IL1RAPL1: variants seen among roughly 807,000 people sequenced by gnomAD.
The protein encoded by IL1RAPL1 is interleukin-1 receptor accessory protein-like 1.
A neutral mutation model predicts 48.4 loss-of-function variants in IL1RAPL1; 3 were observed. The ratio of observed to expected loss-of-function variants is 0.06; its 90% CI spans 0.03 to 0.16. The LOEUF (loss-of-function observed/expected upper bound fraction) is 0.16. IL1RAPL1 is among the 10% of genes least tolerant of loss of function. IL1RAPL1 has a pLI of 1.00. For missense variants in IL1RAPL1, 349 were observed against 530.6 expected, an observed-to-expected ratio of 0.66 and a Z score of 3.36; for synonymous variants, 185 against 187.7, an observed-to-expected ratio of 0.99 and a Z score of 0.12.
At chrX:29,618,720 A>G (rs140904631) in intron 5 of IL1RAPL1, among the ~76,000 whole-genome samples, 46 of 111,579 alleles carry the variant, frequency 4.1e-4, no homozygotes, top group African/African-American at 1.5e-3. Context: ...AGAATCCTTA[A>G]CCTAGTCATG....
intron 5 of IL1RAPL1, among the ~76,000 whole-genome samples, chrX:29,490,002 G>C (rs1315728478): frequency 9.0e-6 from 1 of 110,867 alleles, no homozygotes; most frequent in African/African-American, 3.3e-5. Flanking sequence ...TTTCTACATA[G>C]GACTTATTAA....
chrX:28,598,200 C>G (rs1418879490), intron 1 of IL1RAPL1, among the ~76,000 whole-genome samples: 2 of 112,246 alleles, frequency 1.8e-5, no homozygotes. Flanking sequence ...TTATTTCTAA[C>G]AAGTGTGAAC....
intron 1 of IL1RAPL1, among the ~76,000 whole-genome samples, chrX:28,673,875 G>C (rs766283614): frequency 1.8e-5 from 2 of 111,876 alleles, no homozygotes; most frequent in East Asian, 5.6e-4. Context: ...TTCACCAGCA[G>C]TTTGGGATTG....
intron 1 of IL1RAPL1, among the ~76,000 whole-genome samples, chrX:28,625,507 G>A (rs1186792934): frequency 9.0e-6 from 1 of 111,710 alleles, no homozygotes; most frequent in African/African-American, 3.3e-5. Flanking sequence ...ACATGGGAAG[G>A]GCAGCTCTTC....
chrX:29,099,362 T>A (rs1383324655), intron 2 of IL1RAPL1, among the ~76,000 whole-genome samples: 1 of 112,051 alleles, frequency 8.9e-6, no homozygotes, highest in Non-Finnish European at 1.9e-5. Context: ...GATAAATCAA[T>A]TATGTTTGAT....
intron 6 of IL1RAPL1, among the ~76,000 whole-genome samples, chrX:29,850,939 T>C (rs909763766): frequency 5.3e-5 from 6 of 112,204 alleles, no homozygotes; most frequent in African/African-American, 9.7e-5. Flanking sequence ...CTATTCTTTA[T>C]GTAAATAATA....
In IL1RAPL1 at chrX:29,015,324, A is replaced by G. The variant is rs1195016316; in HGVS notation, c.82+225899A>G. On this transcript the variant is annotated intron_variant, in intron 2 of 10. Transcript: ENST00000378993. ...ATAATCTTCCTACATTTCAAAGGTC[A>G]GCTTTACATTAAAACTTTCGCTCTG... Among the ~76,000 whole-genome samples the G allele has an allele frequency of 2.7e-5, 3 of 111,573 alleles. No homozygotes were observed. In the Admixed American group the frequency reaches 2.9e-4, roughly 11 times the overall value.
intron 5 of IL1RAPL1, among the ~76,000 whole-genome samples, chrX:29,407,688 G>T (rs765833764): frequency 8.9e-6 from 1 of 111,898 alleles, no homozygotes; most frequent in African/African-American, 3.2e-5. Flanking sequence ...TTAAAAGTAT[G>T]TATATTTTCA....
chrX:29,070,925 AC>A (rs1239443691), intron 2 of IL1RAPL1, among the ~76,000 whole-genome samples: 1 of 111,388 alleles, frequency 9.0e-6, no homozygotes, highest in Non-Finnish European at 1.9e-5. Context: ...TGCACAAAAA[AC>A]AGGGTCCTAG....
At chrX:28,781,401 A>G (rs1227543378) in intron 1 of IL1RAPL1, among the ~76,000 whole-genome samples, 1 of 109,076 alleles carries the variant, frequency 9.2e-6, no homozygotes, top group Non-Finnish European at 1.9e-5. Context: ...TCTCCATGAC[A>G]TGGCACTTTC....
chrX:29,582,988 G>T (rs1923027652), intron 5 of IL1RAPL1, among the ~76,000 whole-genome samples: 1 of 84,433 alleles, frequency 1.2e-5, no homozygotes, highest in Non-Finnish European at 2.3e-5. Context: ...CACAATGGTT[G>T]AACTAGTTTA....
chrX:29,124,785 T>G (rs1449291151), intron 2 of IL1RAPL1, among the ~76,000 whole-genome samples: 1 of 111,755 alleles, frequency 8.9e-6, no homozygotes, highest in Admixed American at 9.5e-5. Context: ...AAACAGAACT[T>G]ACAGTGACAT....
chrX:29,591,282 G>A (rs1923361662), intron 5 of IL1RAPL1, among the ~76,000 whole-genome samples: 1 of 112,386 alleles, frequency 8.9e-6, no homozygotes, highest in South Asian at 3.7e-4. Context: ...AACTTGTGGG[G>A]TAGGCATTGT....
At chrX:29,955,056 A>T (rs765514698) in intron 10 of IL1RAPL1, 46 bp from the exon 11 acceptor site, 10 of 1,090,961 alleles carry the variant, frequency 9.2e-6, no homozygotes, top group Middle Eastern at 2.4e-4. Context: ...TTTCTGGACC[A>T]AATTTTCCAT....
intron 5 of IL1RAPL1, among the ~76,000 whole-genome samples, chrX:29,519,699 C>A (rs1417558785): frequency 9.0e-6 from 1 of 111,335 alleles, no homozygotes; most frequent in Non-Finnish European, 1.9e-5. Context: ...GGTAAGAAAA[C>A]CATGTCTTCA....
chrX:29,250,274 C>T (rs1231349229), intron 2 of IL1RAPL1, among the ~76,000 whole-genome samples: 1 of 112,014 alleles, frequency 8.9e-6, no homozygotes, highest in Non-Finnish European at 1.9e-5. Flanking sequence ...ATAGAAACAA[C>T]AACAACAAAA....
intron 2 of IL1RAPL1, among the ~76,000 whole-genome samples, chrX:29,131,594 G>C (rs970517777): frequency 3.6e-5 from 4 of 110,833 alleles, no homozygotes; most frequent in African/African-American, 9.8e-5. Flanking sequence ...CCTTGAATAG[G>C]GTTTACATGG....
chrX:29,628,675 C>T (rs904505807), intron 5 of IL1RAPL1, among the ~76,000 whole-genome samples: 2 of 112,086 alleles, frequency 1.8e-5, no homozygotes, highest in Non-Finnish European at 3.8e-5. Context: ...TCCATCATGA[C>T]ACTTCACTTC....
At chrX:29,803,451 G>T (rs899387240) in intron 6 of IL1RAPL1, among the ~76,000 whole-genome samples, 2 of 92,974 alleles carry the variant, frequency 2.2e-5, no homozygotes, top group Non-Finnish European at 4.3e-5. Flanking sequence ...ATGTATATAT[G>T]TGTGTATATA....
Sources: allele counts gnomAD v4.1 joint callset (sites outside exome capture counted in the v4.1 genomes callset), GRCh38; gene constraint gnomAD v4.1.1; transcripts MANE v1.5; gene names NCBI Gene and HGNC (gene_info 2026-07-23, HGNC 2026-07-21).